ZDHHC14: variants seen among roughly 807,000 people sequenced by gnomAD.
ZDHHC14 encodes zDHHC palmitoyltransferase 14.
A neutral mutation model predicts 47.7 loss-of-function variants in ZDHHC14; 16 were observed. The ratio of observed to expected loss-of-function variants is 0.34; its 90% CI spans 0.23 to 0.51. The LOEUF (loss-of-function observed/expected upper bound fraction) is 0.51. ZDHHC14 is among the 20% of genes least tolerant of loss of function. ZDHHC14 has a pLI of 0.97. For missense variants in ZDHHC14, 515 were observed against 662.5 expected, an observed-to-expected ratio of 0.78 and a Z score of 2.44; for synonymous variants, 293 against 278.9, an observed-to-expected ratio of 1.05 and a Z score of -0.50.
At chr6:157,476,129 G>C (rs1182909197) in intron 1 of ZDHHC14, among the ~76,000 whole-genome samples, 1 of 151,960 alleles carries the variant, frequency 6.6e-6, no homozygotes, top group African/African-American at 2.4e-5. Flanking sequence ...ATAAAGACTA[G>C]TAAACAATAG....
intron 2 of ZDHHC14, among the ~76,000 whole-genome samples, chr6:157,573,061 A>C (rs1783161230): frequency 6.6e-6 from 1 of 152,060 alleles, no homozygotes; most frequent in Admixed American, 6.5e-5. Flanking sequence ...GAAAAGCCCA[A>C]ATCCTTTGTG....
At chr6:157,435,434 G>T (rs1324702541) in intron 1 of ZDHHC14, among the ~76,000 whole-genome samples, 1 of 152,206 alleles carries the variant, frequency 6.6e-6, no homozygotes, top group African/African-American at 2.4e-5. Context: ...GGAAAGGCTA[G>T]GACATATGTA....
intron 8 of ZDHHC14, 53 bp from the exon 9 acceptor site, chr6:157,672,654 CATCCCTGTCCCTCCCCA>C: frequency 1.7e-6 from 2 of 1,171,348 alleles, no homozygotes; most frequent in Admixed American, 2.2e-5. Flanking sequence ...GCCCTGTCCC[CATCCCTGTCCCTCCCCA>C]CCTCTGCCCC....
chr6:157,517,590 C>T (rs1314384656), intron 1 of ZDHHC14, among the ~76,000 whole-genome samples: 1 of 152,154 alleles, frequency 6.6e-6, no homozygotes, highest in Non-Finnish European at 1.5e-5. Flanking sequence ...GGATTACAGG[C>T]TTGAGCCACC....
rs183991332 is a variant in ZDHHC14 at position 157,542,448 on chromosome 6, A to G, written c.246-137A>G. ...AAACGTAAATCTTTCACATAGATGAATTTTTAATGGAAATCAATTTCTCTC... is the reference window on the plus strand; with the variant it reads ...AAACGTAAATCTTTCACATAGATGAGTTTTTAATGGAAATCAATTTCTCTC... On this transcript the variant is annotated intron_variant, in intron 1 of 8. Coordinates refer to ENST00000359775, the MANE Select transcript of ZDHHC14 (RefSeq NM_024630.3). The G allele has an allele frequency of 4.0e-4, 505 of 1,273,298 alleles. 1 individual carries two copies. In the African/African-American group the frequency reaches 6.8e-3, roughly 17 times the overall value. The allele number at this position is 1,273,298 out of a possible 1,614,324, so 78.9% of individuals were successfully genotyped here.
At chr6:157,569,314 T>G (rs1783017639) in intron 2 of ZDHHC14, among the ~76,000 whole-genome samples, 2 of 152,090 alleles carry the variant, frequency 1.3e-5, no homozygotes, top group Non-Finnish European at 2.9e-5. Flanking sequence ...GGTTTTAACT[T>G]CAGGTTCTTC....
At chr6:157,522,789 AT>A (rs1780977625) in intron 1 of ZDHHC14, among the ~76,000 whole-genome samples, 1 of 6,386 alleles carries the variant, frequency 1.6e-4, no homozygotes, top group East Asian at 5.3e-3. Context: ...CTCTCTTTCC[AT>A]TCCTCCCTCC....
At chr6:157,663,476 G>A (rs1449178137) in intron 8 of ZDHHC14, among the ~76,000 whole-genome samples, 1 of 152,242 alleles carries the variant, frequency 6.6e-6, no homozygotes, top group African/African-American at 2.4e-5. Context: ...GTCCTGCCCA[G>A]TGGAGGTCCC....
intron 1 of ZDHHC14, among the ~76,000 whole-genome samples, chr6:157,387,690 C>G (rs984119624): frequency 6.6e-6 from 1 of 152,140 alleles, no homozygotes; most frequent in African/African-American, 2.4e-5. Flanking sequence ...AAGCACTAAC[C>G]CATTCATTTG....
At chr6:157,531,686 C>T (rs774320482) in intron 1 of ZDHHC14, among the ~76,000 whole-genome samples, 1 of 151,748 alleles carries the variant, frequency 6.6e-6, no homozygotes, top group Non-Finnish European at 1.5e-5. Context: ...AGCTTGCTGG[C>T]AGGTAGTGTG....
chr6:157,385,621 G>T (rs541149408), intron 1 of ZDHHC14, among the ~76,000 whole-genome samples: 1 of 152,234 alleles, frequency 6.6e-6, no homozygotes, highest in Non-Finnish European at 1.5e-5. Flanking sequence ...CTCAGCAACA[G>T]GTGTTGATAC....
At chr6:157,545,099 A>G (rs920680058) in intron 2 of ZDHHC14, among the ~76,000 whole-genome samples, 5 of 152,270 alleles carry the variant, frequency 3.3e-5, no homozygotes, top group Non-Finnish European at 7.3e-5. Flanking sequence ...AGCCAGATAC[A>G]AAAGACTATG....
At chr6:157,444,346 C>T (rs564246260) in intron 1 of ZDHHC14, among the ~76,000 whole-genome samples, 4 of 152,134 alleles carry the variant, frequency 2.6e-5, no homozygotes, top group Non-Finnish European at 5.9e-5. Flanking sequence ...GCAGGGAGCT[C>T]TGAGACTGGG....
In ZDHHC14 at chr6:157,473,909, TA is replaced by T. The variant is rs758429246; in HGVS notation, c.246-68665del. 2.9e-4 allele frequency among the ~76,000 whole-genome samples: 42 copies of T among 146,900 alleles called. 1 individual carries two copies. Among genetic ancestry groups the T allele is most frequent in the East Asian group, 5.9e-4 (3 of 5,098 alleles). On this transcript the variant is annotated intron_variant, in intron 1 of 8. Coordinates refer to ENST00000359775, the MANE Select transcript of ZDHHC14 (RefSeq NM_024630.3). The stretch of plus-strand genomic sequence containing the variant: ...TCTATATGCAAATATCCCCAAATCT[TA>T]AAAAAAAAAAGTTTGAAGTGCTAAT...
intron 7 of ZDHHC14, among the ~76,000 whole-genome samples, chr6:157,653,227 G>T (rs1422756848): frequency 2.0e-5 from 3 of 152,214 alleles, no homozygotes; most frequent in African/African-American, 7.2e-5. Flanking sequence ...ACAGGTGGGG[G>T]TGAGACCAGC....
intron 2 of ZDHHC14, among the ~76,000 whole-genome samples, chr6:157,570,272 C>T (rs1233374975): frequency 2.6e-5 from 4 of 152,222 alleles, no homozygotes; most frequent in African/African-American, 4.8e-5. Flanking sequence ...CCTGCCATAG[C>T]GTGGTATCCA....
intron 1 of ZDHHC14, among the ~76,000 whole-genome samples, chr6:157,405,707 C>A (rs1294913087): frequency 6.6e-6 from 1 of 152,106 alleles, no homozygotes; most frequent in Non-Finnish European, 1.5e-5. Flanking sequence ...GTATTTTGAG[C>A]AATGATTTAC....
At chr6:157,633,502 C>T (rs1776814002) in intron 5 of ZDHHC14, among the ~76,000 whole-genome samples, 1 of 152,114 alleles carries the variant, frequency 6.6e-6, no homozygotes, top group Non-Finnish European at 1.5e-5. Flanking sequence ...CCATTAAGTG[C>T]TTGAATGAGG....
intron 1 of ZDHHC14, among the ~76,000 whole-genome samples, chr6:157,522,801 C>A (rs546057524): frequency 6.6e-5 from 2 of 30,114 alleles, no homozygotes; most frequent in Non-Finnish European, 1.2e-4. Flanking sequence ...TCCTCCCTCC[C>A]TCCCTCCCTC....
Sources: allele counts gnomAD v4.1 joint callset (sites outside exome capture counted in the v4.1 genomes callset), GRCh38; gene constraint gnomAD v4.1.1; transcripts MANE v1.5; gene names NCBI Gene and HGNC (gene_info 2026-07-23, HGNC 2026-07-21).